The following ADGRV1 variants were observed in gnomAD, a reference collection of about 807,000 sequenced individuals.
ADGRV1 encodes adhesion G protein-coupled receptor V1, also known as G-protein coupled receptor 98.
Under a neutral mutation model 596.2 loss-of-function variants are expected in ADGRV1, and 359 were observed. The ratio of observed to expected loss-of-function variants is 0.60; its 90% CI spans 0.55 to 0.66. ADGRV1 has a LOEUF of 0.66. Among genes scored for constraint, ADGRV1 ranks in the 30% least tolerant of loss-of-function variants. The probability of loss-of-function intolerance (pLI) is 0.00; values close to 1 mark genes in which losing one functional copy is unlikely to be tolerated. For synonymous variants in ADGRV1, 2,681 were observed against 2,679.2 expected, an observed-to-expected ratio of 1.00 and a Z score of -0.02; for missense variants, 7,274 against 7,575.6, an observed-to-expected ratio of 0.96 and a Z score of 1.48.
At chr5:90,813,469 G>T (rs6884984) in intron 74 of ADGRV1, among the ~76,000 whole-genome samples, 3,253 of 152,198 alleles carry the variant, frequency 0.021, 130 homozygotes, top group African/African-American at 0.075. Context: ...AGACAATATA[G>T]CCTACCAGTG....
At chr5:91,021,949 A>T (rs142255056) in intron 85 of ADGRV1, among the ~76,000 whole-genome samples, 112 of 152,166 alleles carry the variant, frequency 7.4e-4, no homozygotes, top group African/African-American at 2.7e-3. Context: ...CTGATTGCCT[A>T]CCTGTAAGCA....
intron 31 of ADGRV1, 127 bp downstream of exon 31, chr5:90,691,168 C>T (rs758266572): frequency 6.6e-6 from 8 of 1,213,190 alleles, no homozygotes; most frequent in Middle Eastern, 1.9e-4. Context: ...AATGTTCAAA[C>T]TATGCTAGTG....
chr5:90,806,437 T>C (rs935252583), intron 72 of ADGRV1, among the ~76,000 whole-genome samples: 23 of 152,224 alleles, frequency 1.5e-4, no homozygotes, highest in Admixed American at 1.2e-3. Flanking sequence ...AGATATTTAA[T>C]TATTTTTTCC....
At chr5:90,683,445 C>G (rs1937436960) in intron 27 of ADGRV1, 141 bp from the exon 28 acceptor site, 1 of 659,538 alleles carries the variant, frequency 1.5e-6, no homozygotes, top group African/African-American at 1.8e-5. Context: ...AGTATATGAC[C>G]CCTGCCTGCA....
intron 1 of ADGRV1, among the ~76,000 whole-genome samples, chr5:90,597,034 G>A (rs1200368409): frequency 1.3e-5 from 2 of 152,218 alleles, no homozygotes; most frequent in Non-Finnish European, 2.9e-5. Context: ...TGTGGACACA[G>A]GACAGAGGCA....
At chr5:90,704,939 T>C (rs2149689627) in intron 36 of ADGRV1, among the ~76,000 whole-genome samples, 2 of 152,048 alleles carry the variant, frequency 1.3e-5, no homozygotes, top group East Asian at 3.9e-4. Flanking sequence ...GTCTTCCGAG[T>C]AGCTGGGACT....
chr5:90,836,484 G>A (rs1000091667), intron 77 of ADGRV1, among the ~76,000 whole-genome samples: 5 of 152,046 alleles, frequency 3.3e-5, no homozygotes, highest in Admixed American at 6.6e-5. Flanking sequence ...AAAAGATTAT[G>A]TACTGTATGA....
chr5:91,008,439 A>G (rs1399617202), intron 85 of ADGRV1, among the ~76,000 whole-genome samples: 2 of 152,128 alleles, frequency 1.3e-5, no homozygotes, highest in South Asian at 2.1e-4. Flanking sequence ...TTAAGAAGTC[A>G]TGAGTTTTCA....
chr5:90,817,154 G>C (rs1169641414), intron 75 of ADGRV1, among the ~76,000 whole-genome samples: 1 of 151,950 alleles, frequency 6.6e-6, no homozygotes, highest in East Asian at 1.9e-4. Context: ...GCATTTCTCT[G>C]ATGGCCAGTG....
chr5:90,716,118 A>T (rs1750077361), intron 42 of ADGRV1, among the ~76,000 whole-genome samples: 1 of 152,130 alleles, frequency 6.6e-6, no homozygotes, highest in African/African-American at 2.4e-5. Flanking sequence ...GCCCTGGGAC[A>T]CTGTTAAATA....
intron 83 of ADGRV1, among the ~76,000 whole-genome samples, chr5:90,894,381 T>C (rs1003209738): frequency 6.6e-6 from 1 of 152,164 alleles, no homozygotes; most frequent in African/African-American, 2.4e-5. Flanking sequence ...ACCTGCAGAA[T>C]TGGATGTAAT....
chr5:90,873,967 G>A (rs1010426622), intron 83 of ADGRV1, among the ~76,000 whole-genome samples: 6 of 152,072 alleles, frequency 3.9e-5, no homozygotes, highest in African/African-American at 1.4e-4. Context: ...CTTCCCTGTG[G>A]TCTTAACCTG....
chr5:90,821,202 T>A (rs1763463804), intron 75 of ADGRV1, among the ~76,000 whole-genome samples: 1 of 150,866 alleles, frequency 6.6e-6, no homozygotes, highest in African/African-American at 2.4e-5. Context: ...TTCCAGTTGA[T>A]CGCATCGGCT....
intron 17 of ADGRV1, among the ~76,000 whole-genome samples, chr5:90,650,303 C>T (rs1305886164): frequency 6.6e-6 from 1 of 152,300 alleles, no homozygotes. Flanking sequence ...TTTTCAGCAC[C>T]ACTGGGACAT....
chr5:90,839,400 G>T (rs1765243221), intron 77 of ADGRV1, among the ~76,000 whole-genome samples: 1 of 151,692 alleles, frequency 6.6e-6, no homozygotes, highest in Admixed American at 6.6e-5. Context: ...ATTTTTAGTA[G>T]AGATGGGGTT....
chr5:91,032,283 A>G (rs1450807797), intron 85 of ADGRV1, among the ~76,000 whole-genome samples: 2 of 152,240 alleles, frequency 1.3e-5, no homozygotes, highest in Admixed American at 1.3e-4. Context: ...AAGGATAGTG[A>G]GTCTGAGTTT....
chr5:90,813,901 C>A (rs1357503962), intron 74 of ADGRV1, among the ~76,000 whole-genome samples: 1 of 152,080 alleles, frequency 6.6e-6, no homozygotes, highest in African/African-American at 2.4e-5. Flanking sequence ...TGATCATTGG[C>A]ACATTACAAG....
chr5:90,583,356 A>C (rs1266720235), intron 1 of ADGRV1, among the ~76,000 whole-genome samples: 6 of 152,152 alleles, frequency 3.9e-5, no homozygotes, highest in African/African-American at 1.4e-4. Flanking sequence ...TTTTTACTGA[A>C]GCACTCTAAC....
intron 85 of ADGRV1, among the ~76,000 whole-genome samples, chr5:91,042,030 T>A (rs1174375359): frequency 6.6e-6 from 1 of 152,196 alleles, no homozygotes; most frequent in Non-Finnish European, 1.5e-5. Flanking sequence ...TTTAACTGTT[T>A]TACAGATGTT....
Sources: gnomAD v4.1 joint callset for allele counts (sites outside exome capture counted in the v4.1 genomes callset) on GRCh38, gnomAD v4.1.1 for gene constraint, MANE v1.5 for transcripts, NCBI Gene and HGNC (gene_info 2026-07-23, HGNC 2026-07-21) for gene names.